PTPRQ: variants seen among roughly 807,000 people sequenced by gnomAD.
PTPRQ encodes the protein protein tyrosine phosphatase receptor type Q.
Under a neutral mutation model 246.0 loss-of-function variants are expected in PTPRQ, and 199 were observed. That is an observed-to-expected ratio of 0.81 (90% CI 0.72 to 0.91). The LOEUF (loss-of-function observed/expected upper bound fraction) is 0.91, where lower values mean the gene tolerates loss of function less well. PTPRQ is among the 40% of genes least tolerant of loss of function. PTPRQ has a pLI of 0.00. For missense variants in PTPRQ, 2,624 were observed against 2,528.4 expected, an observed-to-expected ratio of 1.04 and a Z score of -0.81; for synonymous variants, 869 against 853.2, an observed-to-expected ratio of 1.02 and a Z score of -0.32.
At chr12:80,494,861 C>A in intron 10 of PTPRQ, 72 bp from the exon 11 acceptor site, 1 of 1,452,070 alleles carries the variant, frequency 6.9e-7, no homozygotes, top group African/African-American at 1.4e-5. Context: ...ATTTTATAGT[C>A]TAAGAAAAAA....
chr12:80,645,640 T>C (rs1315885025), intron 35 of PTPRQ, among the ~76,000 whole-genome samples: 1 of 151,840 alleles, frequency 6.6e-6, no homozygotes, highest in African/African-American at 2.4e-5. Flanking sequence ...TAATACAACA[T>C]AGAAGATGAT....
At chr12:80,514,581 TA>T (rs1262863088) in intron 17 of PTPRQ, among the ~76,000 whole-genome samples, 6 of 142,344 alleles carry the variant, frequency 4.2e-5, no homozygotes, top group East Asian at 2.0e-4. Flanking sequence ...CAAATATATA[TA>T]TTATATAATA....
In PTPRQ at chr12:80,591,101, G is replaced by A. The variant is rs79481466; in HGVS notation, c.4609+2649G>A. On this transcript the variant is annotated intron_variant, in intron 26 of 44. Transcript: ENST00000644991. ...GATCATTTTTATTTGCTTGTGTTTA[G>A]GATCTGCCTTGATCATTGCTTTTTT... 5.6e-3 allele frequency among the ~76,000 whole-genome samples: 820 copies of A among 147,710 alleles called. 24 individuals are homozygous for A. The South Asian group carries it at 0.066, about 12-fold the overall frequency.
At chr12:80,522,799 A>G (rs1470762866) in intron 17 of PTPRQ, among the ~76,000 whole-genome samples, 1 of 152,142 alleles carries the variant, frequency 6.6e-6, no homozygotes, top group African/African-American at 2.4e-5. Context: ...ATTGATATTC[A>G]TCAGGGATAT....
At chr12:80,645,555 G>A (rs1230599870) in intron 35 of PTPRQ, among the ~76,000 whole-genome samples, 1 of 151,126 alleles carries the variant, frequency 6.6e-6, no homozygotes, top group African/African-American at 2.4e-5. Flanking sequence ...TAAGCCAAGT[G>A]TTAATCCTGC....
intron 1 of PTPRQ, 61 bp downstream of exon 1, chr12:80,444,460 C>A: frequency 2.1e-6 from 2 of 971,594 alleles, no homozygotes; most frequent in Non-Finnish European, 3.2e-6. Flanking sequence ...TTTCTCAAGA[C>A]TTGAATAGTT....
At chr12:80,664,553 A>G (rs1900727632) in intron 39 of PTPRQ, among the ~76,000 whole-genome samples, 1 of 151,966 alleles carries the variant, frequency 6.6e-6, no homozygotes, top group Non-Finnish European at 1.5e-5. Flanking sequence ...ATCTATTGTA[A>G]TTTCTTACAT....
At chr12:80,597,163 A>T (rs1347655395) in intron 26 of PTPRQ, among the ~76,000 whole-genome samples, 1 of 151,976 alleles carries the variant, frequency 6.6e-6, no homozygotes, top group Non-Finnish European at 1.5e-5. Flanking sequence ...TATACTTTTG[A>T]GGTTTCTGAT....
At chr12:80,669,263 A>G in intron 40 of PTPRQ, 76 bp from the exon 41 acceptor site, 1 of 1,529,174 alleles carries the variant, frequency 6.5e-7, no homozygotes, top group Admixed American at 2.2e-5. Context: ...ATTTTAACTT[A>G]GTCGTAATAA....
chr12:80,610,468 C>A lies in PTPRQ; in HGVS notation c.4761C>A (p.Phe1587Leu). 1 of 1,510,604 alleles carries A rather than the reference C, an allele frequency of 6.6e-7. No homozygotes were observed. The highest frequency in any genetic ancestry group is 1.3e-5 in the South Asian group (1 of 79,024). The allele number at this position is 1,510,604 out of a possible 1,614,324, so 93.6% of individuals were successfully genotyped here. ...ATAATGATGAATTTAATATATCCTT[C>A]ATCAAGTCAAATGAAGAAAATAAAA... Reference protein sequence around the residue: ...SVDNDEFNISFIKSNEENKTI... With the variant: ...SVDNDEFNISLIKSNEENKTI... The change falls in exon 28 of 45, where the codon TTC (phenylalanine) becomes TTA (leucine). Residue 1587 changes from phenylalanine (F) to leucine (L), a missense_variant. Transcript: ENST00000644991.
chr12:80,658,812 C>G (rs559761142), intron 39 of PTPRQ, among the ~76,000 whole-genome samples: 2 of 152,002 alleles, frequency 1.3e-5, no homozygotes, highest in East Asian at 3.9e-4. Context: ...TGAAGATTTC[C>G]TCTGCTGCCC....
In PTPRQ at chr12:80,619,536, A is replaced by G. The variant is rs1481639341; in HGVS notation, c.5383A>G (p.Thr1795Ala). The change falls in exon 31 of 45, where the codon ACA (threonine) becomes GCA (alanine). Residue 1795 changes from threonine to alanine, a missense_variant. Transcript: ENST00000644991. Reference protein sequence around the residue: ...IKNVQVLVTETGAQHDGNVTK... With the variant: ...IKNVQVLVTEAGAQHDGNVTK... The stretch of plus-strand genomic sequence containing the variant: ...AAATGTACAAGTGCTTGTGACAGAA[A>G]CAGGAGGTATCATCACATGTCAATT... 4 of 1,528,130 alleles carry G rather than the reference A, an allele frequency of 2.6e-6. No individual in the cohort carries two copies. In the South Asian group the frequency reaches 5.0e-5, roughly 19 times the overall value. The allele number at this position is 1,528,130 out of a possible 1,614,324, so 94.7% of individuals were successfully genotyped here.
intron 42 of PTPRQ, among the ~76,000 whole-genome samples, chr12:80,672,206 C>T (rs567229099): frequency 2.0e-5 from 3 of 151,918 alleles, no homozygotes; most frequent in South Asian, 2.1e-4. Flanking sequence ...GGACTATAAA[C>T]TCTGTAAGTG....
chr12:80,649,541 A>G (rs1900188138), intron 36 of PTPRQ, 47 bp from the exon 37 acceptor site: 2 of 1,538,520 alleles, frequency 1.3e-6, no homozygotes, highest in South Asian at 2.5e-5. Flanking sequence ...TAACGCGAAC[A>G]AATACAATCT....
At chr12:80,661,271 A>G (rs1900621523) in intron 39 of PTPRQ, among the ~76,000 whole-genome samples, 1 of 148,978 alleles carries the variant, frequency 6.7e-6, no homozygotes. Flanking sequence ...GTATATGTGT[A>G]TATACAGTTA....
At chr12:80,657,304 T>A (rs1409726648) in intron 38 of PTPRQ, among the ~76,000 whole-genome samples, 1 of 151,870 alleles carries the variant, frequency 6.6e-6, no homozygotes, top group African/African-American at 2.4e-5. Context: ...GACATCAATT[T>A]GTATTTGTAC....
chr12:80,544,968 T>C (rs1423444874), intron 23 of PTPRQ, among the ~76,000 whole-genome samples: 2 of 152,090 alleles, frequency 1.3e-5, no homozygotes, highest in Non-Finnish European at 2.9e-5. Context: ...TAGTACAAAG[T>C]TCTATTAAAA....
intron 17 of PTPRQ, among the ~76,000 whole-genome samples, chr12:80,522,177 A>G (rs10083158): frequency 0.35 from 53,466 of 151,796 alleles, 11,749 homozygotes; most frequent in African/African-American, 0.62. Context: ...TGTTATTGGT[A>G]TATAAGAATG....
At chr12:80,524,414 C>T (rs556332710) in intron 17 of PTPRQ, among the ~76,000 whole-genome samples, 1 of 152,206 alleles carries the variant, frequency 6.6e-6, no homozygotes, top group East Asian at 1.9e-4. Flanking sequence ...CCTCCTAAGC[C>T]ACATGGAACT....
Sources: gnomAD v4.1 joint callset for allele counts (sites outside exome capture counted in the v4.1 genomes callset) on GRCh38, gnomAD v4.1.1 for gene constraint, MANE v1.5 for transcripts, NCBI Gene and HGNC (gene_info 2026-07-23, HGNC 2026-07-21) for gene names.